The following MECOM variants were observed in gnomAD, a reference collection of about 807,000 sequenced individuals.
The protein encoded by MECOM is histone-lysine N-methyltransferase MECOM.
A neutral mutation model predicts 116.3 loss-of-function variants in MECOM; 13 were observed. The ratio of observed to expected loss-of-function variants is 0.11; its 90% CI spans 0.07 to 0.18. MECOM has a LOEUF of 0.18. Ranked by LOEUF, MECOM falls within the 10% of genes least tolerant of loss-of-function variation. The probability of loss-of-function intolerance (pLI) is 1.00; values close to 1 mark genes in which losing one functional copy is unlikely to be tolerated. For synonymous variants in MECOM, 528 were observed against 535.2 expected (o/e 0.99, Z 0.19); for missense variants, 1,299 against 1,509.0 (o/e 0.86, Z 2.31).
At chr3:169,325,813 T>C (rs997885027) in intron 2 of MECOM, among the ~76,000 whole-genome samples, 1 of 152,220 alleles carries the variant, frequency 6.6e-6, no homozygotes, top group Non-Finnish European at 1.5e-5. Flanking sequence ...ATACTTCATG[T>C]AAACTATTAA....
intron 2 of MECOM, among the ~76,000 whole-genome samples, chr3:169,187,464 T>C (rs1446790230): frequency 1.3e-5 from 2 of 152,100 alleles, no homozygotes; most frequent in Admixed American, 6.6e-5. Context: ...TTTTCTTCCA[T>C]TGGAAACAGA....
intron 1 of MECOM, among the ~76,000 whole-genome samples, chr3:169,432,689 A>G (rs1161013063): frequency 6.6e-6 from 1 of 152,224 alleles, no homozygotes; most frequent in African/African-American, 2.4e-5. Flanking sequence ...CTTCTTCTTT[A>G]CTATTGAATT....
At chr3:169,659,440 A>ATTATTTTTTTTT (rs1775966638) in intron 1 of MECOM, among the ~76,000 whole-genome samples, 2 of 62,138 alleles carry the variant, frequency 3.2e-5, no homozygotes, top group Admixed American at 2.8e-4. Context: ...CTAAACACAG[A>ATTATTTTTTTTT]TTTTTTTTTT....
chr3:169,271,587 A>T (rs568370099), intron 2 of MECOM, among the ~76,000 whole-genome samples: 2 of 152,284 alleles, frequency 1.3e-5, no homozygotes, highest in Admixed American at 6.5e-5. Flanking sequence ...GGCAGGGAAC[A>T]TCACACACCG....
chr3:169,189,554 T>G (rs1333972699), intron 2 of MECOM, among the ~76,000 whole-genome samples: 1 of 152,076 alleles, frequency 6.6e-6, no homozygotes, highest in African/African-American at 2.4e-5. Context: ...AATCTGCCAT[T>G]TTTAACCTTT....
At chr3:169,624,763 C>A (rs1384083906) in intron 1 of MECOM, among the ~76,000 whole-genome samples, 1 of 152,180 alleles carries the variant, frequency 6.6e-6, no homozygotes, top group Non-Finnish European at 1.5e-5. Flanking sequence ...CCAGACCAAA[C>A]ATGGACCCTC....
At chr3:169,294,264 T>C (rs898952334) in intron 2 of MECOM, among the ~76,000 whole-genome samples, 1 of 152,218 alleles carries the variant, frequency 6.6e-6, no homozygotes, top group African/African-American at 2.4e-5. Context: ...TGTTCAAAGC[T>C]TGCATTAGGT....
chr3:169,659,975 C>G (rs907047817), intron 1 of MECOM, among the ~76,000 whole-genome samples: 1 of 152,120 alleles, frequency 6.6e-6, no homozygotes, highest in Non-Finnish European at 1.5e-5. Flanking sequence ...TTCTGGGGGG[C>G]CGGTAGCTAA....
chr3:169,387,913 C>G (rs1461698743), intron 1 of MECOM, among the ~76,000 whole-genome samples: 3 of 152,052 alleles, frequency 2.0e-5, no homozygotes, highest in Non-Finnish European at 4.4e-5. Context: ...CATTTCCCCC[C>G]ATTATGTTCC....
intron 2 of MECOM, among the ~76,000 whole-genome samples, chr3:169,283,254 G>A (rs192321294): frequency 2.0e-5 from 3 of 152,218 alleles, no homozygotes; most frequent in Admixed American, 6.5e-5. Flanking sequence ...TGTAATCCCA[G>A]CATTTTGGGA....
chr3:169,649,541 G>T lies in MECOM; in HGVS notation c.37+13795C>A, dbSNP rs190771298. ...TGTCCCTGTTAATAAATCATTTTCA[G>T]GGGTATATGTATGTCTGTCAAATGT... On this transcript the variant is annotated intron_variant, in intron 1 of 16. Coordinates refer to ENST00000651503, the MANE Select transcript of MECOM (RefSeq NM_004991.4). 4.2e-3 allele frequency among the ~76,000 whole-genome samples: 635 copies of T among 152,138 alleles called. 5 individuals carry two copies. The highest frequency in any genetic ancestry group is 6.6e-3 in the Non-Finnish European group (449 of 68,008).
At chr3:169,341,980 C>A (rs1724624131) in intron 2 of MECOM, among the ~76,000 whole-genome samples, 1 of 151,800 alleles carries the variant, frequency 6.6e-6, no homozygotes, top group Non-Finnish European at 1.5e-5. Context: ...CACTATGCAC[C>A]CACAACAATT....
chr3:169,369,347 T>TTTTA (rs2149839934), intron 2 of MECOM, among the ~76,000 whole-genome samples: 1 of 141,498 alleles, frequency 7.1e-6, no homozygotes, highest in East Asian at 2.1e-4. Flanking sequence ...GCAGCCTTTT[T>TTTTA]TTTTTTTTTT....
At position 169,338,138 on chromosome 3, in the gene MECOM, A is replaced by C. The variant is rs147429793; in HGVS notation, c.375+43049T>G. Among the ~76,000 whole-genome samples, 27 of 151,680 alleles carry C rather than the reference A, an allele frequency of 1.8e-4. No individual in the cohort carries two copies. In the East Asian group the frequency reaches 4.5e-3, roughly 25 times the overall value. Reference sequence around the variant, plus strand: ...TACTTGATCATCTACAGCCTTATAGACTCCCTCAGGATCGGAGGCTCTTAA... The same window carrying C: ...TACTTGATCATCTACAGCCTTATAGCCTCCCTCAGGATCGGAGGCTCTTAA... On this transcript the variant is annotated intron_variant, in intron 2 of 16. Coordinates refer to ENST00000651503, the MANE Select transcript of MECOM (RefSeq NM_004991.4).
At chr3:169,466,199 C>T (rs1230280885) in intron 1 of MECOM, among the ~76,000 whole-genome samples, 1 of 152,188 alleles carries the variant, frequency 6.6e-6, no homozygotes, top group East Asian at 1.9e-4. Flanking sequence ...AAAACCCAAA[C>T]ACTGGATATG....
chr3:169,280,763 T>G (rs972068336), intron 2 of MECOM, among the ~76,000 whole-genome samples: 10 of 152,136 alleles, frequency 6.6e-5, no homozygotes, highest in African/African-American at 2.4e-4. Context: ...ATAATGACAT[T>G]GTATTTTAGA....
At chr3:169,235,590 C>A (rs1753939986) in intron 2 of MECOM, among the ~76,000 whole-genome samples, 1 of 151,740 alleles carries the variant, frequency 6.6e-6, no homozygotes, top group African/African-American at 2.4e-5. Flanking sequence ...TGAAAAATAA[C>A]CAAATAAATG....
chr3:169,315,858 A>C (rs1719652341), intron 2 of MECOM, among the ~76,000 whole-genome samples: 1 of 152,232 alleles, frequency 6.6e-6, no homozygotes, highest in African/African-American at 2.4e-5. Context: ...ACATAGATAT[A>C]TTTCATTGCT....
Position 169,143,782 on chromosome 3 carries a change from T to G in MECOM, c.426A>C (p.Pro142=), listed in dbSNP as rs763459174. 2 of 1,611,936 alleles carry G rather than the reference T, an allele frequency of 1.2e-6. No individual in the cohort carries two copies. Among genetic ancestry groups the G allele is most frequent in the Non-Finnish European group, 1.7e-6 (2 of 1,178,976 alleles). ...NVKFCIDASQ[P]DVGSWLKYIR... ...TGTACTTGAGCCAGCTTCCAACATC[T>G]GGTTGACTGGCATCTATGCAGAACT... Residue 142 remains proline (P), a synonymous_variant, in exon 3 of 17, where the codon CCA becomes CCC. Coordinates refer to ENST00000651503, the MANE Select transcript of MECOM (RefSeq NM_004991.4).
Sources: gnomAD v4.1 joint callset for allele counts (sites outside exome capture counted in the v4.1 genomes callset) on GRCh38, gnomAD v4.1.1 for gene constraint, MANE v1.5 for transcripts, NCBI Gene and HGNC (gene_info 2026-07-23, HGNC 2026-07-21) for gene names.